KCNJ5: variants seen among roughly 807,000 people sequenced by gnomAD.
KCNJ5 encodes potassium inwardly rectifying channel subfamily J member 5, also known as G protein-activated inward rectifier potassium channel 4.
KCNJ5 carries 12 observed loss-of-function variants against 20.2 expected under a neutral mutation model. The observed-to-expected ratio is 0.59, with a 90% CI of 0.38 to 0.96. KCNJ5 has a LOEUF of 0.96. Among genes scored for constraint, KCNJ5 ranks in the 40% least tolerant of loss-of-function variants. The pLI is 0.00. For synonymous variants in KCNJ5, 210 were observed against 213.9 expected, an observed-to-expected ratio of 0.98 and a Z score of 0.16; for missense variants, 449 against 557.6, an observed-to-expected ratio of 0.81 and a Z score of 1.96.
chr11:128,915,322 C>G (rs1293862233), intron 2 of KCNJ5, among the ~76,000 whole-genome samples: 4 of 152,206 alleles, frequency 2.6e-5, no homozygotes, highest in African/African-American at 9.6e-5. Context: ...ATTGGAGCAG[C>G]CTCAAATCAA....
At chr11:128,898,961 T>A (rs1944220448) in intron 1 of KCNJ5, among the ~76,000 whole-genome samples, 2 of 152,386 alleles carry the variant, frequency 1.3e-5, no homozygotes, top group South Asian at 4.1e-4. Context: ...ATTACAGGCG[T>A]GAGCCGCCGT....
At chr11:128,902,513 G>C (rs1220348763) in intron 1 of KCNJ5, 4 of 1,561,918 alleles carry the variant, frequency 2.6e-6, no homozygotes, top group African/African-American at 1.4e-5. Context: ...GTCTGCATGG[G>C]GGAGGGGGCT....
chr11:128,916,331 T>A, intron 2 of KCNJ5, 78 bp from the exon 3 acceptor site: 1 of 1,088,996 alleles, frequency 9.2e-7, no homozygotes, highest in Non-Finnish European at 1.4e-6. Flanking sequence ...GATGGATGGA[T>A]TGATGGATGA....
chr11:128,902,328 C>A (rs556799288), intron 1 of KCNJ5: 12 of 604,244 alleles, frequency 2.0e-5, no homozygotes, highest in Non-Finnish European at 3.2e-5. Flanking sequence ...AAGGACTCAG[C>A]GCTTGCAGTC....
intron 1 of KCNJ5, chr11:128,904,499 G>C (rs1410859429): frequency 1.3e-6 from 2 of 1,571,160 alleles, no homozygotes; most frequent in Non-Finnish European, 1.8e-6. Context: ...CCAGCTGATG[G>C]CAGCGTGCGT....
intron 2 of KCNJ5, 100 bp from the exon 3 acceptor site, chr11:128,916,309 G>A (rs1260979569): frequency 1.2e-5 from 11 of 892,916 alleles, no homozygotes; most frequent in African/African-American, 5.0e-5. Flanking sequence ...TGGATGGATG[G>A]ATAGATGGAT....
rs1944643107 is a variant in KCNJ5 at position 128,919,839 on chromosome 11, C to T, written c.*3108C>T. The T allele has an allele frequency of 6.6e-6, 1 of 152,210 alleles. No homozygotes were observed. Among genetic ancestry groups the T allele is most frequent in the Non-Finnish European group, 1.5e-5 (1 of 68,094 alleles). 9.4% of individuals were successfully genotyped at this position (152,210 alleles called of 1,614,324 possible). On this transcript the variant is annotated 3_prime_UTR_variant, in exon 3 of 3. Coordinates refer to ENST00000529694, the MANE Select transcript of KCNJ5 (RefSeq NM_000890.5). ...ATGAGCCACCACGCCCAGCCATTTT[C>T]AAAACACTGCTCCTGCATACAAACC...
In KCNJ5 at chr11:128,912,122, G is replaced by A; in HGVS notation, c.849G>A (p.Lys283=). The change falls in exon 2 of 3, where the codon AAG becomes AAA. Residue 283 remains lysine (K), a synonymous_variant. Transcript: ENST00000529694. ...PLIISHEINQ[K]SPFWEMSQAQ... is the part of the protein sequence containing the mutation. ...TCATCTCCCATGAGATCAACCAGAA[G>A]AGCCCTTTCTGGGAGATGTCTCAGG... The A allele has an allele frequency of 1.2e-6, 2 of 1,613,202 alleles. No individual in the cohort carries two copies. The highest frequency in any genetic ancestry group is 1.7e-6 in the Non-Finnish European group (2 of 1,180,004).
Position 128,916,526 on chromosome 11 carries a change from A to G in KCNJ5, c.1055A>G (p.His352Arg). The G allele has an allele frequency of 1.2e-6, 2 of 1,614,192 alleles. No individual in the cohort carries two copies. The highest frequency in any genetic ancestry group is 2.2e-5 in the South Asian group (2 of 91,088). Reference sequence around the variant, plus strand: ...TATGAGGTGGACTACAACACCTTCCATGATACCTATGAGACCAACACACCC... The same window carrying G: ...TATGAGGTGGACTACAACACCTTCCGTGATACCTATGAGACCAACACACCC... ...GFYEVDYNTFHDTYETNTPSC... is the reference protein window; with the variant it reads ...GFYEVDYNTFRDTYETNTPSC... The change falls in exon 3 of 3, where the codon CAT (histidine) becomes CGT (arginine). Residue 352 changes from histidine to arginine, a missense_variant. This residue lies in a region of KCNJ5 where 34 missense variants were observed against 63.8 expected (regional missense o/e 0.53). Coordinates refer to ENST00000529694, the MANE Select transcript of KCNJ5 (RefSeq NM_000890.5).
chr11:128,903,443 C>T (rs150247728), intron 1 of KCNJ5: 130 of 1,614,042 alleles, frequency 8.1e-5, no homozygotes, highest in Non-Finnish European at 1.0e-4. Flanking sequence ...ATGGCATGCA[C>T]ATCCTGCCCA....
At chr11:128,899,859 AG>A (rs1320289698) in intron 1 of KCNJ5, 5 of 152,332 alleles carry the variant, frequency 3.3e-5, no homozygotes, top group Admixed American at 2.0e-4. Flanking sequence ...ATTAAAGGGA[AG>A]GGGTGTAAGG....
At chr11:128,895,063 G>C (rs1565541976) in intron 1 of KCNJ5, among the ~76,000 whole-genome samples, 1 of 151,354 alleles carries the variant, frequency 6.6e-6, no homozygotes, top group Non-Finnish European at 1.5e-5. Flanking sequence ...CAATAGGGTG[G>C]CCAGATAGTA....
At chr11:128,912,573 C>G (rs930548678) in intron 2 of KCNJ5, among the ~76,000 whole-genome samples, 2 of 152,118 alleles carry the variant, frequency 1.3e-5, no homozygotes, top group Admixed American at 6.5e-5. Flanking sequence ...TGCAGTGGCC[C>G]GATCTCGGCT....
chr11:128,909,805 G>A (rs1216088614), intron 1 of KCNJ5: 1 of 152,234 alleles, frequency 6.6e-6, no homozygotes, highest in East Asian at 1.9e-4. Flanking sequence ...TACTTATAAA[G>A]AGGAAGAAGG....
intron 1 of KCNJ5, chr11:128,902,860 A>C: frequency 2.4e-6 from 2 of 840,100 alleles, no homozygotes; most frequent in Non-Finnish European, 3.6e-6. Context: ...AGAAATACGA[A>C]CCGGCAGCTG....
rs1565540575 is a variant in KCNJ5 at position 128,891,460 on chromosome 11, A to AGAGAGAGAGG, written c.-263_-262insGGAGAGAGAG. 58 of 150,770 alleles carry AGAGAGAGAGG rather than the reference A, an allele frequency of 3.8e-4. No individual in the cohort carries two copies. The highest frequency in any genetic ancestry group is 1.4e-3 in the African/African-American group (56 of 39,922). The allele number at this position is 150,770 out of a possible 1,614,324, so 9.3% of individuals were successfully genotyped here. On this transcript the variant is annotated 5_prime_UTR_variant, in exon 1 of 3. Transcript: ENST00000529694. Reference sequence around the variant, plus strand: ...CACACACAGAGAGAGAGAGAGAGAGAGAGAGAGAGAGAGAGATTGTTCCAG... The same window carrying AGAGAGAGAGG: ...CACACACAGAGAGAGAGAGAGAGAGAGAGAGAGAGGGAGAGAGAGAGAGAGATTGTTCCAG...
At chr11:128,904,325 TCTCTCTCA>T in intron 1 of KCNJ5, 1 of 1,489,728 alleles carries the variant, frequency 6.7e-7, no homozygotes, top group Non-Finnish European at 9.1e-7. Flanking sequence ...CACCCTGGCC[TCTCTCTCA>T]CTCTCTACTG....
intron 1 of KCNJ5, chr11:128,901,950 G>C (rs1007912637): frequency 5.7e-5 from 9 of 159,018 alleles, no homozygotes; most frequent in African/African-American, 2.2e-4. Flanking sequence ...TCTGAGATCC[G>C]CGCTGTCCCT....
At chr11:128,905,140 G>C (rs1304619446) in intron 1 of KCNJ5, among the ~76,000 whole-genome samples, 1 of 152,220 alleles carries the variant, frequency 6.6e-6, no homozygotes, top group Non-Finnish European at 1.5e-5. Flanking sequence ...CCGCTGGCCC[G>C]CCCTTCCTCC....
Sources: gnomAD v4.1 joint callset for allele counts (sites outside exome capture counted in the v4.1 genomes callset) on GRCh38, gnomAD v4.1.1 for gene constraint, gnomAD v4.1.1 regional missense constraint, MANE v1.5 for transcripts, NCBI Gene and HGNC (gene_info 2026-07-23, HGNC 2026-07-21) for gene names.